Variants in DPF3 observed in about 807,000 individuals in gnomAD.
The protein encoded by DPF3 is double PHD fingers 3.
DPF3 carries 18 observed loss-of-function variants against 56.8 expected under a neutral mutation model. That is an observed-to-expected ratio of 0.32 (90% CI 0.22 to 0.47). The LOEUF (loss-of-function observed/expected upper bound fraction) is 0.47, where lower values mean the gene tolerates loss of function less well. Among genes scored for constraint, DPF3 ranks in the 20% least tolerant of loss-of-function variants. The pLI, the probability that DPF3 is intolerant of heterozygous loss-of-function variation, is 1.00. For synonymous variants in DPF3, 188 were observed against 180.2 expected (o/e 1.04, Z -0.35); for missense variants, 403 against 488.8 (o/e 0.82, Z 1.65).
At chr14:72,785,888 T>G (rs949088896) in intron 1 of DPF3, among the ~76,000 whole-genome samples, 1 of 152,130 alleles carries the variant, frequency 6.6e-6, no homozygotes, top group Admixed American at 6.6e-5. Context: ...TGCCAGAAAG[T>G]CATAAACTAA....
chr14:72,745,032 G>A (rs1460167088), intron 3 of DPF3, among the ~76,000 whole-genome samples: 1 of 151,886 alleles, frequency 6.6e-6, no homozygotes, highest in African/African-American at 2.4e-5. Context: ...CTCTGTCAAG[G>A]GGAGGTCACA....
At chr14:72,747,805 G>A (rs1890387936) in intron 3 of DPF3, among the ~76,000 whole-genome samples, 1 of 152,032 alleles carries the variant, frequency 6.6e-6, no homozygotes, top group African/African-American at 2.4e-5. Flanking sequence ...GAGATCTGAT[G>A]GTTTTAAAAA....
intron 6 of DPF3, among the ~76,000 whole-genome samples, 165 bp downstream of exon 6, chr14:72,714,258 T>G (rs967023651): frequency 5.3e-5 from 8 of 151,792 alleles, no homozygotes; most frequent in Non-Finnish European, 1.5e-5. Flanking sequence ...CCCAAGGAAG[T>G]GGTGACTGCG....
intron 9 of DPF3, among the ~76,000 whole-genome samples, chr14:72,626,546 G>C (rs1884840315): frequency 6.6e-6 from 1 of 152,084 alleles, no homozygotes; most frequent in African/African-American, 2.4e-5. Flanking sequence ...GTACTCCACT[G>C]TATGGCTGTG....
At chr14:72,781,492 C>A (rs938304065) in intron 1 of DPF3, among the ~76,000 whole-genome samples, 1 of 152,192 alleles carries the variant, frequency 6.6e-6, no homozygotes, top group Non-Finnish European at 1.5e-5. Context: ...CCCAATAAAT[C>A]CCTTTTCCAG....
chr14:72,636,725 T>A (rs1309312441), intron 8 of DPF3, among the ~76,000 whole-genome samples: 1 of 152,220 alleles, frequency 6.6e-6, no homozygotes, highest in African/African-American at 2.4e-5. Flanking sequence ...CAGGTTCACC[T>A]CTATCTGCCC....
At position 72,784,495 on chromosome 14, in the gene DPF3, T is replaced by G. The variant is rs181150288; in HGVS notation, c.33-12602A>C. 2.0e-5 allele frequency among the ~76,000 whole-genome samples: 3 copies of G among 152,328 alleles called. No homozygotes were observed. In the East Asian group the frequency reaches 5.8e-4, roughly 29 times the overall value. On this transcript the variant is annotated intron_variant, in intron 1 of 10. Coordinates refer to ENST00000556509, the MANE Select transcript of DPF3 (RefSeq NM_001280542.3). ...AAATACTGGGGAGCTTGGCTGAATC[T>G]AGAATCTGATTTTCCTTCCCCCACT...
At chr14:72,805,458 G>A (rs1316603511) in intron 1 of DPF3, among the ~76,000 whole-genome samples, 1 of 149,516 alleles carries the variant, frequency 6.7e-6, no homozygotes, top group Admixed American at 6.6e-5. Flanking sequence ...CAACAAGAGT[G>A]AAACTCTACC....
At chr14:72,798,720 C>T (rs1478135919) in intron 1 of DPF3, among the ~76,000 whole-genome samples, 2 of 152,206 alleles carry the variant, frequency 1.3e-5, no homozygotes, top group Non-Finnish European at 2.9e-5. Context: ...CTCCACACTC[C>T]AAGTATGGCT....
chr14:72,629,529 G>A (rs756625805), intron 9 of DPF3, 95 bp downstream of exon 9: 45 of 1,214,794 alleles, frequency 3.7e-5, no homozygotes, highest in Non-Finnish European at 5.1e-5. Flanking sequence ...CAGGCCCCAG[G>A]GGCCTAGTGA....
chr14:72,825,164 A>G (rs1291252725), intron 1 of DPF3, among the ~76,000 whole-genome samples: 1 of 152,254 alleles, frequency 6.6e-6, no homozygotes, highest in Non-Finnish European at 1.5e-5. Context: ...CTGGGATTAC[A>G]GGCATGGGCC....
At chr14:72,769,496 A>G (rs949743514) in intron 2 of DPF3, among the ~76,000 whole-genome samples, 9 of 152,158 alleles carry the variant, frequency 5.9e-5, no homozygotes, top group East Asian at 1.9e-4. Context: ...CCTGGCCAAC[A>G]TGGTGAAACC....
intron 7 of DPF3, among the ~76,000 whole-genome samples, chr14:72,686,262 G>A (rs998774535): frequency 6.6e-6 from 1 of 152,236 alleles, no homozygotes; most frequent in Non-Finnish European, 1.5e-5. Flanking sequence ...ATGGAACCAT[G>A]ATTCAGATGA....
intron 8 of DPF3, among the ~76,000 whole-genome samples, chr14:72,666,837 G>A (rs189978314): frequency 2.6e-5 from 4 of 152,244 alleles, no homozygotes; most frequent in Admixed American, 2.6e-4. Context: ...CAAAGGCTGA[G>A]CAAAATCCCC....
At chr14:72,756,391 C>A (rs1246729228) in intron 2 of DPF3, among the ~76,000 whole-genome samples, 1 of 152,220 alleles carries the variant, frequency 6.6e-6, no homozygotes, top group African/African-American at 2.4e-5. Flanking sequence ...GGTTAGCAGA[C>A]TCCAGACAAA....
At chr14:72,867,402 A>G (rs527563244) in intron 1 of DPF3, among the ~76,000 whole-genome samples, 10 of 152,156 alleles carry the variant, frequency 6.6e-5, no homozygotes, top group East Asian at 1.9e-4. Flanking sequence ...ACCCCCTTCC[A>G]TGGTCTCTAA....
intron 6 of DPF3, among the ~76,000 whole-genome samples, chr14:72,695,234 G>C (rs1267842540): frequency 6.6e-6 from 1 of 152,146 alleles, no homozygotes; most frequent in African/African-American, 2.4e-5. Context: ...GATGGGTAAA[G>C]GTATTATAAA....
At chr14:72,621,065 CG>C (rs1884406955) in intron 9 of DPF3, among the ~76,000 whole-genome samples, 1 of 151,232 alleles carries the variant, frequency 6.6e-6, no homozygotes, top group Non-Finnish European at 1.5e-5. Context: ...CTCTTGAACC[CG>C]GGAGGTGGAG....
intron 1 of DPF3, among the ~76,000 whole-genome samples, chr14:72,855,094 G>T (rs1227217628): frequency 1.3e-5 from 2 of 152,184 alleles, no homozygotes; most frequent in African/African-American, 4.8e-5. Flanking sequence ...AAAAGTAACA[G>T]GTAGGAGGGG....
Sources: allele counts gnomAD v4.1 joint callset (sites outside exome capture counted in the v4.1 genomes callset), GRCh38; gene constraint gnomAD v4.1.1; transcripts MANE v1.5; gene names NCBI Gene and HGNC (gene_info 2026-07-23, HGNC 2026-07-21).